The following RASGRF2 variants were observed in gnomAD, a reference collection of about 807,000 sequenced individuals.
RASGRF2 encodes the protein Ras protein specific guanine nucleotide releasing factor 2, also known as ras-specific guanine nucleotide-releasing factor 2.
RASGRF2 carries 76 observed loss-of-function variants against 151.0 expected under a neutral mutation model. The ratio of observed to expected loss-of-function variants is 0.50; its 90% confidence interval spans 0.42 to 0.61. RASGRF2 has a LOEUF of 0.61. Ranked by LOEUF, RASGRF2 falls within the 20% of genes least tolerant of loss-of-function variation. The pLI, the probability that RASGRF2 is intolerant of heterozygous loss-of-function variation, is 0.00. For missense variants in RASGRF2, 1,148 were observed against 1,564.6 expected (o/e 0.73, Z 4.49); for synonymous variants, 504 against 566.5 (o/e 0.89, Z 1.57).
intron 1 of RASGRF2, among the ~76,000 whole-genome samples, chr5:80,986,806 C>T (rs1012575516): frequency 6.6e-6 from 1 of 152,206 alleles, no homozygotes; most frequent in Admixed American, 6.5e-5. Flanking sequence ...TCATTCTCCA[C>T]ATTGCCATGG....
chr5:81,058,562 C>T (rs1487290793), intron 2 of RASGRF2, among the ~76,000 whole-genome samples: 2 of 152,096 alleles, frequency 1.3e-5, no homozygotes, highest in Non-Finnish European at 2.9e-5. Context: ...CTAATGAAAT[C>T]AATGGCATGA....
chr5:81,059,109 C>T (rs1287258212), intron 2 of RASGRF2, among the ~76,000 whole-genome samples: 3 of 152,078 alleles, frequency 2.0e-5, no homozygotes, highest in Non-Finnish European at 2.9e-5. Context: ...CTTGGCTGGG[C>T]GCAGTGGCTC....
chr5:81,022,071 T>C (rs961388849), intron 1 of RASGRF2, among the ~76,000 whole-genome samples: 2 of 152,156 alleles, frequency 1.3e-5, no homozygotes, highest in South Asian at 4.1e-4. Context: ...GATCTTATGA[T>C]TGGATCATCA....
intron 2 of RASGRF2, 49 bp from the exon 3 acceptor site, chr5:81,067,983 A>G (rs765055744): frequency 8.8e-5 from 133 of 1,505,060 alleles, no homozygotes; most frequent in Non-Finnish European, 1.1e-4. Context: ...ATGGAACTCT[A>G]TATAGTAGAA....
intron 13 of RASGRF2, among the ~76,000 whole-genome samples, chr5:81,109,522 C>T (rs34113): frequency 0.23 from 35,604 of 152,024 alleles, 4,391 homozygotes; most frequent in Admixed American, 0.32. Flanking sequence ...AAAAGTTAGC[C>T]GGGCATGATG....
intron 2 of RASGRF2, among the ~76,000 whole-genome samples, chr5:81,052,609 A>T (rs1751048262): frequency 6.6e-6 from 1 of 152,174 alleles, no homozygotes; most frequent in African/African-American, 2.4e-5. Flanking sequence ...CAGTGTTAGG[A>T]CCTCATGTTA....
intron 17 of RASGRF2, among the ~76,000 whole-genome samples, chr5:81,142,710 A>C (rs1194201904): frequency 6.6e-6 from 1 of 152,232 alleles, no homozygotes; most frequent in East Asian, 1.9e-4. Flanking sequence ...TGCAGCACCC[A>C]GTGTGAAATG....
At chr5:81,102,881 G>A (rs1055523957) in intron 12 of RASGRF2, among the ~76,000 whole-genome samples, 37 of 152,064 alleles carry the variant, frequency 2.4e-4, no homozygotes, top group Admixed American at 2.2e-3. Context: ...TCTGGGGCTC[G>A]TGACATGTGC....
intron 25 of RASGRF2, among the ~76,000 whole-genome samples, chr5:81,217,868 A>G (rs1034540993): frequency 4.0e-5 from 6 of 151,270 alleles, no homozygotes; most frequent in East Asian, 1.9e-4. Context: ...TCAGCCTCCC[A>G]AGTAGCTGGG....
intron 1 of RASGRF2, among the ~76,000 whole-genome samples, chr5:80,998,873 G>A (rs1748984886): frequency 1.3e-5 from 2 of 152,112 alleles, no homozygotes; most frequent in South Asian, 4.2e-4. Flanking sequence ...CCTCCGTTTG[G>A]CTGTGTACAT....
chr5:81,178,898 C>T (rs1444715470), intron 17 of RASGRF2, among the ~76,000 whole-genome samples: 1 of 152,284 alleles, frequency 6.6e-6, no homozygotes. Context: ...GCCACCACGC[C>T]TGGCTAATTT....
At chr5:80,976,761 T>C (rs576549084) in intron 1 of RASGRF2, among the ~76,000 whole-genome samples, 1 of 152,310 alleles carries the variant, frequency 6.6e-6, no homozygotes, top group Non-Finnish European at 1.5e-5. Context: ...TTGCCTATGG[T>C]ACAGCTCTTG....
intron 2 of RASGRF2, among the ~76,000 whole-genome samples, chr5:81,062,016 A>AAAAAAAAAC (rs1751456755): frequency 7.9e-6 from 1 of 126,310 alleles, no homozygotes; most frequent in Non-Finnish European, 1.7e-5. Flanking sequence ...AAAAAAAAAA[A>AAAAAAAAAC]AAAAAAAACT....
intron 22 of RASGRF2, among the ~76,000 whole-genome samples, chr5:81,211,084 C>T (rs186126094): frequency 1.0e-3 from 154 of 148,282 alleles, no homozygotes; most frequent in South Asian, 8.4e-3. Context: ...ATCGAGGCTC[C>T]GGTGAGCTGT....
intron 1 of RASGRF2, among the ~76,000 whole-genome samples, chr5:81,017,669 GTCT>G (rs1421444991): frequency 2.0e-5 from 3 of 152,222 alleles, no homozygotes; most frequent in East Asian, 3.8e-4. Flanking sequence ...TGGAAAGTCA[GTCT>G]TCTTTAATTC....
chr5:81,215,239 A>G lies in RASGRF2; in HGVS notation c.3355-637A>G, dbSNP rs186074157. 5.8e-4 allele frequency among the ~76,000 whole-genome samples: 88 copies of G among 151,064 alleles called. No individual in the cohort carries two copies. In the Middle Eastern group the frequency reaches 0.01, roughly 18 times the overall value. ...CTGTAAATTCCACTTGTCAAAAATAATTGACAAGCACATGCTGAATATAGA... is the reference window on the plus strand; with the variant it reads ...CTGTAAATTCCACTTGTCAAAAATAGTTGACAAGCACATGCTGAATATAGA... On this transcript the variant is annotated intron_variant, in intron 23 of 26. Transcript: ENST00000265080.
At chr5:81,101,961 G>T (rs1204176035) in intron 12 of RASGRF2, among the ~76,000 whole-genome samples, 1 of 152,180 alleles carries the variant, frequency 6.6e-6, no homozygotes, top group Non-Finnish European at 1.5e-5. Flanking sequence ...TTTATCTCAA[G>T]TTCCAATTCT....
chr5:81,087,563 A>G lies in RASGRF2; in HGVS notation c.1390+610A>G, dbSNP rs553397923. On this transcript the variant is annotated intron_variant, in intron 9 of 26. Coordinates refer to ENST00000265080, the MANE Select transcript of RASGRF2 (RefSeq NM_006909.3). ...CACTCGATAAATTAAGCTTTTGAAGAGTTGAAGATATTTGTGCCGGAAACT... is the reference window on the plus strand; with the variant it reads ...CACTCGATAAATTAAGCTTTTGAAGGGTTGAAGATATTTGTGCCGGAAACT... 1.9e-5 allele frequency: 11 copies of G among 573,404 alleles called. No homozygotes were observed. The African/African-American group carries it at 2.0e-4, about 11-fold the overall frequency. 35.5% of individuals were successfully genotyped at this position (573,404 alleles called of 1,614,324 possible).
chr5:81,127,042 C>T (rs1411565830), intron 16 of RASGRF2, 32 bp from the exon 17 acceptor site: 2 of 1,601,716 alleles, frequency 1.2e-6, no homozygotes, highest in East Asian at 2.2e-5. Flanking sequence ...ATTTGCCTCA[C>T]CATTCCATTT....
Sources: allele counts gnomAD v4.1 joint callset (sites outside exome capture counted in the v4.1 genomes callset), GRCh38; gene constraint gnomAD v4.1.1; transcripts MANE v1.5; gene names NCBI Gene and HGNC (gene_info 2026-07-23, HGNC 2026-07-21).